The following ELOVL6 variants were observed in gnomAD, a reference collection of about 807,000 sequenced individuals.
ELOVL6 encodes ELOVL fatty acid elongase 6.
In ELOVL6, 8 loss-of-function variants were observed where a neutral mutation model predicts 31.7. The observed-to-expected ratio is 0.25, with a 90% confidence interval of 0.15 to 0.45. The LOEUF is 0.45. ELOVL6 is among the 20% of genes least tolerant of loss of function. The probability of loss-of-function intolerance (pLI) is 1.00; values close to 1 mark genes in which losing one functional copy is unlikely to be tolerated. For missense variants in ELOVL6, 126 were observed against 326.4 expected, an observed-to-expected ratio of 0.39 and a Z score of 4.73; for synonymous variants, 101 against 117.7, an observed-to-expected ratio of 0.86 and a Z score of 0.92.
At chr4:110,069,379 G>A (rs150474333) in intron 2 of ELOVL6, among the ~76,000 whole-genome samples, 124 of 149,868 alleles carry the variant, frequency 8.3e-4, no homozygotes, top group African/African-American at 3.0e-3. Flanking sequence ...TAATAGCCTC[G>A]ACCCCATCAA....
intron 1 of ELOVL6, among the ~76,000 whole-genome samples, chr4:110,155,208 C>T (rs956549102): frequency 9.2e-5 from 14 of 152,178 alleles, no homozygotes; most frequent in African/African-American, 2.9e-4. Context: ...TAGACCAAAA[C>T]TTTTACTTCT....
chr4:110,196,402 G>T (rs974552413), intron 1 of ELOVL6, among the ~76,000 whole-genome samples: 1 of 152,178 alleles, frequency 6.6e-6, no homozygotes, highest in Admixed American at 6.5e-5. Context: ...CGCGGTTCCG[G>T]CGCCCGCCGG....
rs70956406 is a variant in ELOVL6, at chr4:110,171,679, C to CTTTTT, written c.89+26563_89+26567dup. Reference sequence around the variant, plus strand: ...TCATCTGTATCTTGCATAATATCCTCTTTTTTTTTTTTTTTTTTTTTTTTT... The same window carrying CTTTTT: ...TCATCTGTATCTTGCATAATATCCTCTTTTTTTTTTTTTTTTTTTTTTTTTTTTTT... On this transcript the variant is annotated intron_variant, in intron 1 of 3. Transcript: ENST00000302274. 1.6e-3 allele frequency among the ~76,000 whole-genome samples: 104 copies of CTTTTT among 66,190 alleles called. 5 individuals are homozygous for CTTTTT. The highest frequency in any genetic ancestry group is 4.8e-3 in the African/African-American group (91 of 18,920). 43.4% of individuals were successfully genotyped at this position (66,190 alleles called of 152,430 possible).
intron 1 of ELOVL6, among the ~76,000 whole-genome samples, chr4:110,173,663 T>C (rs887525040): frequency 2.8e-5 from 2 of 71,356 alleles, no homozygotes; most frequent in African/African-American, 1.2e-4. Flanking sequence ...AGAAATCAGG[T>C]AAAGGAAAAT....
chr4:110,147,587 C>G (rs1300984490), intron 1 of ELOVL6, among the ~76,000 whole-genome samples: 1 of 152,054 alleles, frequency 6.6e-6, no homozygotes. Context: ...AACCAAAAAC[C>G]CTCAAATGCC....
At chr4:110,158,658 T>TATATA (rs35622604) in intron 1 of ELOVL6, among the ~76,000 whole-genome samples, 73 of 59,512 alleles carry the variant, frequency 1.2e-3, no homozygotes, top group African/African-American at 5.0e-3. Flanking sequence ...TATATATATA[T>TATATA]TTTTTTTTTT....
intron 1 of ELOVL6, among the ~76,000 whole-genome samples, chr4:110,132,473 A>G (rs1041788960): frequency 6.6e-6 from 1 of 151,006 alleles, no homozygotes; most frequent in South Asian, 2.1e-4. Flanking sequence ...GAGGCAAAAG[A>G]GAGGGTAAGG....
intron 1 of ELOVL6, among the ~76,000 whole-genome samples, chr4:110,144,163 C>G (rs1758042880): frequency 6.6e-6 from 1 of 151,642 alleles, no homozygotes; most frequent in African/African-American, 2.4e-5. Flanking sequence ...CAGGGGCATT[C>G]TCTTTGACCC....
intron 2 of ELOVL6, among the ~76,000 whole-genome samples, chr4:110,084,495 CAT>C (rs1178857568): frequency 2.1e-5 from 1 of 47,868 alleles, no homozygotes; most frequent in Non-Finnish European, 4.1e-5. Flanking sequence ...AATGTATACA[CAT>C]ATATATCATA....
At chr4:110,055,977 A>C (rs537753234) in intron 3 of ELOVL6, among the ~76,000 whole-genome samples, 2 of 152,122 alleles carry the variant, frequency 1.3e-5, no homozygotes, top group South Asian at 2.1e-4. Context: ...AGTTTAGTGA[A>C]GGGGGAGTTA....
chr4:110,133,187 A>G (rs1757718880), intron 1 of ELOVL6, among the ~76,000 whole-genome samples: 1 of 152,150 alleles, frequency 6.6e-6, no homozygotes, highest in Non-Finnish European at 1.5e-5. Context: ...GGTAGAGAAA[A>G]GAGAGGAAGT....
At chr4:110,134,401 C>T (rs1224075606) in intron 1 of ELOVL6, among the ~76,000 whole-genome samples, 6 of 152,022 alleles carry the variant, frequency 3.9e-5, no homozygotes. Context: ...CACTTCTTAC[C>T]CTCAGGAGTC....
chr4:110,131,312 A>T (rs1051696540), intron 1 of ELOVL6, among the ~76,000 whole-genome samples: 1 of 152,156 alleles, frequency 6.6e-6, no homozygotes, highest in Non-Finnish European at 1.5e-5. Context: ...AACTATTCAA[A>T]TTATCTGTTT....
At chr4:110,168,464 A>G (rs1758844632) in intron 1 of ELOVL6, among the ~76,000 whole-genome samples, 1 of 152,076 alleles carries the variant, frequency 6.6e-6, no homozygotes, top group Non-Finnish European at 1.5e-5. Context: ...GGCTGCTGTG[A>G]GCCAAGATCG....
At chr4:110,128,838 C>T (rs1430180002) in intron 1 of ELOVL6, among the ~76,000 whole-genome samples, 7 of 152,204 alleles carry the variant, frequency 4.6e-5, no homozygotes, top group African/African-American at 1.4e-4. Flanking sequence ...AAACAGTCAT[C>T]CATATTTCCA....
Position 110,094,445 on chromosome 4 carries a change from T to TATATATATATAAA in ELOVL6, c.221+11051_221+11052insTTTATATATATAT, listed in dbSNP as rs1756519913. On this transcript the variant is annotated intron_variant, in intron 2 of 3. Coordinates refer to ENST00000302274, the MANE Select transcript of ELOVL6 (RefSeq NM_024090.3). ...TATATATATATATATATATATATAA[T>TATATATATATAAA]ATATATAACATAATATATATTACAT... Among the ~76,000 whole-genome samples the TATATATATATAAA allele has an allele frequency of 5.3e-3, 251 of 47,352 alleles. 8 individuals carry two copies. Among genetic ancestry groups the TATATATATATAAA allele is most frequent in the South Asian group, 0.014 (15 of 1,096 alleles). 31.1% of individuals were successfully genotyped at this position (47,352 alleles called of 152,430 possible).
chr4:110,056,441 T>A (rs943662003), intron 3 of ELOVL6, among the ~76,000 whole-genome samples: 1 of 152,106 alleles, frequency 6.6e-6, no homozygotes, highest in Non-Finnish European at 1.5e-5. Context: ...CTTGCACTGA[T>A]TTTGGACCTG....
At chr4:110,175,506 TA>T (rs1759075714) in intron 1 of ELOVL6, among the ~76,000 whole-genome samples, 1 of 152,214 alleles carries the variant, frequency 6.6e-6, no homozygotes, top group Non-Finnish European at 1.5e-5. Flanking sequence ...AATACTGACA[TA>T]TGTAAGTAAC....
chr4:110,060,614 C>A (rs1352297464), intron 2 of ELOVL6, among the ~76,000 whole-genome samples: 1 of 152,144 alleles, frequency 6.6e-6, no homozygotes, highest in Non-Finnish European at 1.5e-5. Flanking sequence ...GAAACACAAC[C>A]TGCCATGGGA....
Sources: gnomAD v4.1 joint callset for allele counts (sites outside exome capture counted in the v4.1 genomes callset) on GRCh38, gnomAD v4.1.1 for gene constraint, MANE v1.5 for transcripts, NCBI Gene and HGNC (gene_info 2026-07-23, HGNC 2026-07-21) for gene names.